Variants in SEMA4B observed in about 807,000 individuals in gnomAD.
The protein encoded by SEMA4B is semaphorin 4B, also known as semaphorin-4B.
In SEMA4B, 55 loss-of-function variants were observed where a neutral mutation model predicts 88.1. The observed-to-expected ratio is 0.62, with a 90% confidence interval of 0.50 to 0.78. SEMA4B has a LOEUF of 0.78. Among genes scored for constraint, SEMA4B ranks in the 30% least tolerant of loss-of-function variants. The pLI is 0.00. For synonymous variants in SEMA4B, 525 were observed against 473.6 expected, an observed-to-expected ratio of 1.11 and a Z score of -1.41; for missense variants, 1,062 against 1,111.9, an observed-to-expected ratio of 0.96 and a Z score of 0.64.
rs1962125032 is a variant in SEMA4B, at chr15:90,225,646, T to C, written c.1522-15T>C. 1 of 1,558,750 alleles carries C rather than the reference T, an allele frequency of 6.4e-7. No homozygotes were observed. Among genetic ancestry groups the C allele is most frequent in the East Asian group, 2.4e-5 (1 of 41,560 alleles). On this transcript the variant is annotated splice_polypyrimidine_tract_variant and intron_variant, in intron 11 of 13. Coordinates refer to ENST00000411539, the MANE Select transcript of SEMA4B (RefSeq NM_198925.4). Reference sequence around the variant, plus strand: ...TGCCCATGCCCGCTTCTCATCCCCGTGTCTGGCTGTGCAGGGGCTGCTGTA... The same window carrying C: ...TGCCCATGCCCGCTTCTCATCCCCGCGTCTGGCTGTGCAGGGGCTGCTGTA...
intron 1 of SEMA4B, among the ~76,000 whole-genome samples, chr15:90,205,982 C>T (rs1356970909): frequency 6.6e-6 from 1 of 152,224 alleles, no homozygotes; most frequent in Non-Finnish European, 1.5e-5. Flanking sequence ...TCTGCTCTGC[C>T]TTCAGCACAA....
At chr15:90,222,184 C>G (rs1410149218) in intron 7 of SEMA4B, among the ~76,000 whole-genome samples, 1 of 151,022 alleles carries the variant, frequency 6.6e-6, no homozygotes, top group Non-Finnish European at 1.5e-5. Flanking sequence ...AAACAATCCA[C>G]CCACCTCGGC....
At chr15:90,218,670 G>A (rs1204793984) in intron 3 of SEMA4B, among the ~76,000 whole-genome samples, 2 of 152,142 alleles carry the variant, frequency 1.3e-5, no homozygotes, top group East Asian at 3.9e-4. Context: ...AAAAACATTA[G>A]CCAGGCATGG....
At chr15:90,210,745 G>A (rs1334528008) in intron 1 of SEMA4B, among the ~76,000 whole-genome samples, 2 of 152,100 alleles carry the variant, frequency 1.3e-5, no homozygotes, top group South Asian at 2.1e-4. Context: ...ACGGGGTGGC[G>A]TGGCCCGTGT....
chr15:90,190,749 C>T (rs1164529842), intron 1 of SEMA4B, among the ~76,000 whole-genome samples: 3 of 151,916 alleles, frequency 2.0e-5, no homozygotes, highest in Non-Finnish European at 4.4e-5. Flanking sequence ...GTGTGTCTTG[C>T]TCTGTGTCTG....
rs1961335260 is a variant in SEMA4B, at chr15:90,212,772, G to T, written c.158-4667G>T. 6.6e-6 allele frequency among the ~76,000 whole-genome samples: 1 copy of T among 152,150 alleles called. No individual in the cohort carries two copies. Among genetic ancestry groups the T allele is most frequent in the South Asian group, 2.1e-4 (1 of 4,828 alleles). ...AGTAACACCACTCACACCGAGCACA[G>T]ACCAGCTCGCGCCCACAACACGAGC... On this transcript the variant is annotated intron_variant, in intron 1 of 13. Coordinates refer to ENST00000411539, the MANE Select transcript of SEMA4B (RefSeq NM_198925.4). This position sits in a 1 kb window ranked among gnomAD's most constrained non-coding sequence, Gnocchi z 4.0.
intron 1 of SEMA4B, 79 bp from the exon 2 acceptor site, chr15:90,217,360 C>A: frequency 7.0e-7 from 1 of 1,424,328 alleles, no homozygotes; most frequent in Non-Finnish European, 9.5e-7. Context: ...TCCTTTAAAC[C>A]AGTCCATCTA....
chr15:90,196,706 C>G (rs1301523984), upstream of SEMA4B, among the ~76,000 whole-genome samples: 3 of 152,090 alleles, frequency 2.0e-5, no homozygotes, highest in African/African-American at 7.2e-5. Context: ...CCAGGATGGT[C>G]TCGATCTCCT....
In SEMA4B at chr15:90,201,407, C is replaced by T. The variant is rs1285330034; in HGVS notation, c.-172C>T. On this transcript the variant is annotated 5_prime_UTR_variant, in exon 1 of 14. Coordinates refer to ENST00000411539, the MANE Select transcript of SEMA4B (RefSeq NM_198925.4). ...AGGACTGCGGTGCCCCGCGGAGGGGCTGAGTTTGCCAGGGCCCACTTGACC... is the reference window on the plus strand; with the variant it reads ...AGGACTGCGGTGCCCCGCGGAGGGGTTGAGTTTGCCAGGGCCCACTTGACC... 4 of 1,279,998 alleles carry T rather than the reference C, an allele frequency of 3.1e-6. No individual in the cohort carries two copies. The Admixed American group carries it at 1.3e-4, about 41-fold the overall frequency. The allele number at this position is 1,279,998 out of a possible 1,614,324, so 79.3% of individuals were successfully genotyped here.
chr15:90,215,481 C>T (rs1961490286), intron 1 of SEMA4B, among the ~76,000 whole-genome samples: 1 of 152,132 alleles, frequency 6.6e-6, no homozygotes, highest in Admixed American at 6.5e-5. Flanking sequence ...TCGTGTCTTT[C>T]CTTGTTGTTA....
chr15:90,192,946 G>C (rs1960388597), intron 1 of SEMA4B, among the ~76,000 whole-genome samples: 1 of 152,106 alleles, frequency 6.6e-6, no homozygotes, highest in Non-Finnish European at 1.5e-5. Context: ...CTGTCCTTGT[G>C]TATGTATGTG....
intron 1 of SEMA4B, among the ~76,000 whole-genome samples, chr15:90,214,730 T>A (rs1015569600): frequency 1.3e-5 from 2 of 151,850 alleles, no homozygotes; most frequent in Non-Finnish European, 2.9e-5. Flanking sequence ...CATTTCCCAT[T>A]TTTCTTTGGC....
At chr15:90,188,994 G>A (rs1960267982) in intron 1 of SEMA4B, among the ~76,000 whole-genome samples, 1 of 152,140 alleles carries the variant, frequency 6.6e-6, no homozygotes, top group Non-Finnish European at 1.5e-5. Context: ...TGAAAGAACA[G>A]TTTAAAGGAT....
At chr15:90,201,121 A>C (rs1252934172), upstream of SEMA4B, among the ~76,000 whole-genome samples, 1 of 151,924 alleles carries the variant, frequency 6.6e-6, no homozygotes, top group East Asian at 1.9e-4. Context: ...GGAGGGTCTG[A>C]GCAGTGGGGG....
Position 90,188,944 on chromosome 15 carries a change from T to C in SEMA4B, c.-122+3863T>C, listed in dbSNP as rs536992168. Among the ~76,000 whole-genome samples, 12 of 152,224 alleles carry C rather than the reference T, an allele frequency of 7.9e-5. No homozygotes were observed. The South Asian group carries it at 2.3e-3, about 29-fold the overall frequency. On this transcript the variant is annotated intron_variant, in intron 1 of 14. Coordinates refer to the SEMA4B transcript ENST00000332496. ...TCAGCCTCCCAAAGTGCTGGGATTA[T>C]AGGCATGAGCCACCGCGCCCAGCCA...
intron 2 of SEMA4B, 81 bp downstream of exon 2, chr15:90,217,683 T>C (rs922520810): frequency 1.9e-5 from 31 of 1,605,074 alleles, no homozygotes; most frequent in Non-Finnish European, 2.2e-5. Flanking sequence ...ACCTTCTGGG[T>C]CCAAGGATGA....
chr15:90,185,924 A>ATTTTTTTTTT (rs398028319), intron 1 of SEMA4B, among the ~76,000 whole-genome samples: 6 of 55,456 alleles, frequency 1.1e-4, no homozygotes, highest in South Asian at 9.6e-4. Flanking sequence ...TCTTTTGGTG[A>ATTTTTTTTTT]TTTTTTTTTT....
At chr15:90,196,694 A>C (rs1596121125), upstream of SEMA4B, among the ~76,000 whole-genome samples, 1 of 151,856 alleles carries the variant, frequency 6.6e-6, no homozygotes, top group East Asian at 1.9e-4. Flanking sequence ...TCACCATGTT[A>C]GCCAGGATGG....
At chr15:90,210,068 A>G (rs941856204) in intron 1 of SEMA4B, among the ~76,000 whole-genome samples, 2 of 152,198 alleles carry the variant, frequency 1.3e-5, no homozygotes, top group Non-Finnish European at 2.9e-5. Flanking sequence ...GGATGGTGCC[A>G]GGCTCAGGAC....
Sources: gnomAD v4.1 joint callset for allele counts (sites outside exome capture counted in the v4.1 genomes callset) on GRCh38, gnomAD v4.1.1 for gene constraint, Gnocchi (gnomAD v3.1) non-coding constraint, MANE v1.5 for transcripts, NCBI Gene and HGNC (gene_info 2026-07-23, HGNC 2026-07-21) for gene names.